The following MIOS variants were observed in gnomAD, a reference collection of about 807,000 sequenced individuals.
MIOS encodes the protein GATOR2 complex protein MIOS.
Under a neutral mutation model 96.9 loss-of-function variants are expected in MIOS, and 52 were observed. The ratio of observed to expected loss-of-function variants is 0.54; its 90% CI spans 0.43 to 0.68. The LOEUF is 0.68. Among genes scored for constraint, MIOS ranks in the 30% least tolerant of loss-of-function variants. The probability of loss-of-function intolerance (pLI) is 0.00; values close to 1 mark genes in which losing one functional copy is unlikely to be tolerated. For missense variants in MIOS, 1,005 were observed against 1,052.8 expected, an observed-to-expected ratio of 0.95 and a Z score of 0.63; for synonymous variants, 397 against 359.5, an observed-to-expected ratio of 1.10 and a Z score of -1.18.
At chr7:7,587,670 C>G (rs1256815355) in intron 7 of MIOS, among the ~76,000 whole-genome samples, 1 of 151,910 alleles carries the variant, frequency 6.6e-6, no homozygotes, top group Non-Finnish European at 1.5e-5. Flanking sequence ...AGAGTTAAAT[C>G]TAGTTATATG....
chr7:7,586,385 T>C lies in MIOS; in HGVS notation c.1818+580T>C, dbSNP rs1413804637. Among the ~76,000 whole-genome samples, 4 of 152,184 alleles carry C rather than the reference T, an allele frequency of 2.6e-5. No individual in the cohort carries two copies. In the East Asian group the frequency reaches 7.7e-4, roughly 29 times the overall value. Reference sequence around the variant, plus strand: ...TTAACCACCTGTGATCATAACACAATCAAATAGGTTCTTTATCACAAAACG... The same window carrying C: ...TTAACCACCTGTGATCATAACACAACCAAATAGGTTCTTTATCACAAAACG... On this transcript the variant is annotated intron_variant, in intron 7 of 12. Coordinates refer to ENST00000340080, the MANE Select transcript of MIOS (RefSeq NM_019005.4).
At chr7:7,582,724 C>A in intron 5 of MIOS, 2 of 538,146 alleles carry the variant, frequency 3.7e-6, no homozygotes, top group Non-Finnish European at 4.8e-6. Flanking sequence ...CCTTTTGGAG[C>A]TTATGCGCTA....
intron 6 of MIOS, among the ~76,000 whole-genome samples, chr7:7,583,573 T>G (rs534085784): frequency 6.6e-6 from 1 of 152,268 alleles, no homozygotes; most frequent in East Asian, 1.9e-4. Flanking sequence ...TTTAGGGCTG[T>G]AAAAACAAAG....
intron 7 of MIOS, among the ~76,000 whole-genome samples, chr7:7,586,970 A>G (rs1783904683): frequency 1.4e-5 from 2 of 146,972 alleles, no homozygotes; most frequent in African/African-American, 5.0e-5. Context: ...GTGACCCATA[A>G]TAAGTACTTT....
At chr7:7,598,146 G>C (rs947313370) in intron 11 of MIOS, among the ~76,000 whole-genome samples, 1 of 152,090 alleles carries the variant, frequency 6.6e-6, no homozygotes, top group African/African-American at 2.4e-5. Flanking sequence ...AATCATTTTG[G>C]GTATTTGGCA....
Position 7,568,134 on chromosome 7 carries a change from A to T in MIOS, c.-41+11A>T, listed in dbSNP as rs549902606. 6 of 152,340 alleles carry T rather than the reference A, an allele frequency of 3.9e-5. No homozygotes were observed. The East Asian group carries it at 7.7e-4, about 20-fold the overall frequency. 9.4% of individuals were successfully genotyped at this position (152,340 alleles called of 1,614,324 possible). On this transcript the variant is annotated intron_variant, in intron 3 of 12. Coordinates refer to ENST00000340080, the MANE Select transcript of MIOS (RefSeq NM_019005.4). ...TGTTAAACTTGAAAGGTGAGGATAT[A>T]AATACAAGCTGTAATTATTGCAGAC...
intron 9 of MIOS, among the ~76,000 whole-genome samples, chr7:7,591,083 C>T (rs1389815098): frequency 6.6e-6 from 1 of 152,090 alleles, no homozygotes; most frequent in Non-Finnish European, 1.5e-5. Context: ...CCATTCCTGG[C>T]ATTCTTTTTC....
At chr7:7,594,143 A>G (rs898326499) in intron 9 of MIOS, among the ~76,000 whole-genome samples, 1 of 152,088 alleles carries the variant, frequency 6.6e-6, no homozygotes, top group African/African-American at 2.4e-5. Context: ...TTTTTAAGGC[A>G]AGAAATGTAT....
At chr7:7,586,017 G>T (rs1393216276) in intron 7 of MIOS, among the ~76,000 whole-genome samples, 4 of 151,776 alleles carry the variant, frequency 2.6e-5, no homozygotes, top group Non-Finnish European at 4.4e-5. Context: ...AACTGGATTT[G>T]ATTTTTATGG....
chr7:7,577,164 A>T (rs1391694980), intron 5 of MIOS, among the ~76,000 whole-genome samples: 1 of 152,160 alleles, frequency 6.6e-6, no homozygotes, highest in Admixed American at 6.5e-5. Flanking sequence ...GATTGTCGAG[A>T]GATGTAGGAG....
chr7:7,584,271 G>C (rs777409891), intron 6 of MIOS, among the ~76,000 whole-genome samples: 31 of 152,162 alleles, frequency 2.0e-4, no homozygotes, highest in South Asian at 6.2e-4. Flanking sequence ...CCTCATTTAA[G>C]AGTGCAATAG....
intron 11 of MIOS, among the ~76,000 whole-genome samples, chr7:7,599,657 G>A (rs1220721638): frequency 6.6e-6 from 1 of 152,134 alleles, no homozygotes; most frequent in African/African-American, 2.4e-5. Flanking sequence ...CAAGTGTATT[G>A]TTGTGAAAGG....
chr7:7,604,399 A>C (rs1784467523), intron 11 of MIOS, among the ~76,000 whole-genome samples: 1 of 152,180 alleles, frequency 6.6e-6, no homozygotes, highest in African/African-American at 2.4e-5. Context: ...AAGATTAGAA[A>C]TCTGTTGAAA....
In MIOS at chr7:7,597,331, TAAA is replaced by T. The variant is rs59939742; in HGVS notation, c.2401+880_2401+882del. Reference sequence around the variant, plus strand: ...ACAGAGCAAGACTCTGTCCTAAATTTAAAAAAAAAAAATGTTTTTAATTAAAAA... The same window carrying T: ...ACAGAGCAAGACTCTGTCCTAAATTTAAAAAAAAATGTTTTTAATTAAAAA... On this transcript the variant is annotated intron_variant, in intron 11 of 12. Coordinates refer to ENST00000340080, the MANE Select transcript of MIOS (RefSeq NM_019005.4). Among the ~76,000 whole-genome samples the T allele has an allele frequency of 3.1e-3, 447 of 143,256 alleles. 9 individuals carry two copies. The highest frequency in any genetic ancestry group is 0.01 in the Admixed American group (152 of 14,518). 94.0% of individuals were successfully genotyped at this position (143,256 alleles called of 152,430 possible).
Position 7,572,005 on chromosome 7 carries a change from TTC to T in MIOS, c.-40-429_-40-428del, listed in dbSNP as rs1168494947. ...ATTGGACAGCATGAACATGAAACAT[TTC>T]TGTCATTGCAGAAAGTTTTATTGGG... On this transcript the variant is annotated intron_variant, in intron 3 of 12. Transcript: ENST00000340080. The surrounding 1 kb of genome is among the most constrained non-coding windows in gnomAD (Gnocchi z 4.8). 6.6e-6 allele frequency among the ~76,000 whole-genome samples: 1 copy of T among 152,236 alleles called. No homozygotes were observed. The highest frequency in any genetic ancestry group is 1.5e-5 in the Non-Finnish European group (1 of 68,034).
rs185932978 is a variant in MIOS, at chr7:7,594,587, G to A, written c.2044-393G>A. On this transcript the variant is annotated intron_variant, in intron 9 of 12. Coordinates refer to ENST00000340080, the MANE Select transcript of MIOS (RefSeq NM_019005.4). ...TGAGATTACAGGCATGAGCCATCAC[G>A]CCCAGCCTGTATTACATTTGGATTT... Among the ~76,000 whole-genome samples, 478 of 152,262 alleles carry A rather than the reference G, an allele frequency of 3.1e-3. 2 individuals carry two copies. The highest frequency in any genetic ancestry group is 0.011 in the African/African-American group (457 of 41,546).
intron 5 of MIOS, among the ~76,000 whole-genome samples, chr7:7,579,187 T>G (rs186293292): frequency 7.9e-5 from 12 of 152,324 alleles, no homozygotes; most frequent in Non-Finnish European, 1.6e-4. Context: ...TATTAAAAAT[T>G]TATATGTAAA....
chr7:7,585,028 T>C (rs1419315299), intron 6 of MIOS, among the ~76,000 whole-genome samples: 1 of 152,204 alleles, frequency 6.6e-6, no homozygotes, highest in African/African-American at 2.4e-5. Context: ...TTTCTGCACT[T>C]TGCATTGACA....
rs373102646 is a variant in MIOS, at chr7:7,607,025, G to A, written c.2561G>A (p.Cys854Tyr). ...RDHAECPVSA[C>Y]TCKCMQLDTT... The stretch of plus-strand genomic sequence containing the variant: ...CATGCAGAGTGCCCTGTGTCGGCAT[G>A]CACGTGTAAATGTATGCAGTTGGAT... Residue 854 changes from cysteine to tyrosine, a missense_variant, in exon 13 of 13, where the codon TGC becomes TAC. Cys to Tyr is a radical substitution (Grantham distance 194, BLOSUM62 -2). Coordinates refer to ENST00000340080, the MANE Select transcript of MIOS (RefSeq NM_019005.4). The A allele has an allele frequency of 2.5e-6, 4 of 1,612,906 alleles. No homozygotes were observed. Among genetic ancestry groups the A allele is most frequent in the Non-Finnish European group, 3.4e-6 (4 of 1,179,458 alleles).
Sources: gnomAD v4.1 joint callset for allele counts (sites outside exome capture counted in the v4.1 genomes callset) on GRCh38, gnomAD v4.1.1 for gene constraint, Gnocchi (gnomAD v3.1) non-coding constraint, MANE v1.5 for transcripts, NCBI Gene and HGNC (gene_info 2026-07-23, HGNC 2026-07-21) for gene names.